Variants in CD44 observed in about 807,000 individuals in gnomAD.
CD44 encodes CD44 molecule (IN blood group), also known as CD44 antigen.
CD44 carries 49 observed loss-of-function variants against 88.8 expected under a neutral mutation model. The observed-to-expected ratio is 0.55, with a 90% CI of 0.44 to 0.70. The LOEUF is 0.70. CD44 is among the 30% of genes least tolerant of loss of function. The pLI, the probability that CD44 is intolerant of heterozygous loss-of-function variation, is 0.00. For synonymous variants in CD44, 325 were observed against 312.3 expected (o/e 1.04, Z -0.43); for missense variants, 883 against 913.8 (o/e 0.97, Z 0.43).
chr11:35,179,093 G>C (rs546290796), intron 2 of CD44, among the ~76,000 whole-genome samples: 69 of 152,320 alleles, frequency 4.5e-4, no homozygotes, highest in Non-Finnish European at 8.2e-4. Flanking sequence ...TGTCTGTTCA[G>C]ATGAGAAATT....
At chr11:35,159,337 T>G (rs562045493) in intron 1 of CD44, among the ~76,000 whole-genome samples, 312 of 152,356 alleles carry the variant, frequency 2.0e-3, no homozygotes, top group African/African-American at 7.2e-3. Flanking sequence ...GAGTAAGGCT[T>G]TTGCACCTTT....
At chr11:35,164,282 G>A (rs2133394236) in intron 1 of CD44, among the ~76,000 whole-genome samples, 2 of 152,248 alleles carry the variant, frequency 1.3e-5, no homozygotes, top group South Asian at 4.1e-4. Context: ...CCTGGCTCTT[G>A]CCACATTCAT....
At chr11:35,147,697 G>A (rs927254899) in intron 1 of CD44, among the ~76,000 whole-genome samples, 3 of 151,684 alleles carry the variant, frequency 2.0e-5, no homozygotes, top group Non-Finnish European at 2.9e-5. Flanking sequence ...CACACCAATC[G>A]TGGAACTAGG....
Position 35,230,221 on chromosome 11 carries a change from T to TG in CD44, c.*889dup, listed in dbSNP as rs985744622. ...AGCACTGTTTTTGTTTTTTGTTTTT[T>TG]GTTTTTTTTTTTTGACACTGTCCAA... On this transcript the variant is annotated 3_prime_UTR_variant, in exon 18 of 18. Transcript: ENST00000428726. 3.2e-5 allele frequency: 4 copies of TG among 123,458 alleles called. No individual in the cohort carries two copies. Among genetic ancestry groups the TG allele is most frequent in the Admixed American group, 1.8e-4 (2 of 11,378 alleles). The allele number at this position is 123,458 out of a possible 1,614,324, so 7.6% of individuals were successfully genotyped here. A position where few individuals can be genotyped will look rare whatever the true frequency, so the allele number is the denominator to read the frequency against.
intron 1 of CD44, among the ~76,000 whole-genome samples, chr11:35,142,817 C>G (rs1220688094): frequency 6.6e-6 from 1 of 152,212 alleles, no homozygotes; most frequent in Non-Finnish European, 1.5e-5. Context: ...TAGTTCATGA[C>G]AGATTCCCTT....
At chr11:35,222,045 C>A (rs1369726666) in intron 17 of CD44, among the ~76,000 whole-genome samples, 3 of 152,188 alleles carry the variant, frequency 2.0e-5, no homozygotes, top group Non-Finnish European at 4.4e-5. Context: ...TGTGATTTTA[C>A]ATGTTTTTTA....
At position 35,230,871 on chromosome 11, in the gene CD44, T is replaced by C. The variant is rs1302227705; in HGVS notation, c.*1538T>C. The C allele has an allele frequency of 6.6e-6, 1 of 152,212 alleles. No individual in the cohort carries two copies. 9.4% of individuals were successfully genotyped at this position (152,212 alleles called of 1,614,324 possible). A position where few individuals can be genotyped will look rare whatever the true frequency, so the allele number is the denominator to read the frequency against. ...TTAAATGGTATCTCCTTTCTGAGGC[T>C]CCTACTAAAAGTCATTTGTTACCTA... On this transcript the variant is annotated 3_prime_UTR_variant, in exon 18 of 18. Transcript: ENST00000428726.
chr11:35,228,270 C>T (rs561456271), intron 17 of CD44, among the ~76,000 whole-genome samples: 129 of 152,276 alleles, frequency 8.5e-4, no homozygotes, highest in Middle Eastern at 3.4e-3. Flanking sequence ...CTTAAATTAA[C>T]GAGAATAATT....
intron 15 of CD44, 115 bp from the exon 16 acceptor site, chr11:35,219,201 A>C: frequency 1.3e-6 from 1 of 756,896 alleles, no homozygotes; most frequent in South Asian, 1.5e-5. Context: ...GCTTGAATCC[A>C]TAAATGGCTT....
Position 35,196,847 on chromosome 11 carries a change from C to A in CD44, c.769C>A (p.His257Asn). The A allele has an allele frequency of 6.2e-7, 1 of 1,613,624 alleles. No homozygotes were observed. Among genetic ancestry groups the A allele is most frequent in the South Asian group, 1.1e-5 (1 of 91,032 alleles). ...GTTTCTACCATCAGAGTCAAAGAAT[C>A]ATCTTCACACAACAACACAAATGGC... ...WLFLPSESKN[H>N]LHTTTQMAGT... The change falls in exon 6 of 18, where the codon CAT becomes AAT. Residue 257 changes from histidine to asparagine, a missense_variant. Physicochemically the swap from His to Asn is moderately conservative, Grantham distance 68. This residue lies in a region of CD44 where 631 missense variants were observed against 590.9 expected (regional missense o/e 1.07). Coordinates refer to ENST00000428726, the MANE Select transcript of CD44 (RefSeq NM_000610.4).
intron 4 of CD44, 54 bp downstream of exon 4, chr11:35,186,954 AG>A: frequency 9.7e-7 from 1 of 1,031,870 alleles, no homozygotes; most frequent in Non-Finnish European, 1.5e-6. Context: ...GAAAGGGCTC[AG>A]GTGTGTTCTC....
intron 10 of CD44, among the ~76,000 whole-genome samples, chr11:35,205,089 A>G (rs553574430): frequency 1.3e-5 from 2 of 152,346 alleles, no homozygotes; most frequent in East Asian, 1.9e-4. Context: ...TTATGTGAAA[A>G]GTGACACCTG....
chr11:35,152,031 A>G (rs1179986830), intron 1 of CD44, among the ~76,000 whole-genome samples: 5 of 152,250 alleles, frequency 3.3e-5, no homozygotes, highest in Non-Finnish European at 7.3e-5. Flanking sequence ...GACAGGAGGA[A>G]TAACTAGCTA....
chr11:35,139,738 A>T (rs75624136), intron 1 of CD44: 1 of 512,366 alleles, frequency 2.0e-6, no homozygotes, highest in Admixed American at 2.3e-5. Context: ...GCCAAGCCCC[A>T]CCGGGCTGTG....
chr11:35,212,739 C>T (rs1296303552), intron 14 of CD44: 2 of 152,180 alleles, frequency 1.3e-5, no homozygotes, highest in Non-Finnish European at 2.9e-5. Flanking sequence ...TTAAAAATTC[C>T]AAGTACCATT....
At chr11:35,207,144 C>T (rs1444157936) in intron 11 of CD44, among the ~76,000 whole-genome samples, 1 of 152,206 alleles carries the variant, frequency 6.6e-6, no homozygotes, top group Non-Finnish European at 1.5e-5. Flanking sequence ...AGCACTTGCT[C>T]TTGTTTGAAA....
chr11:35,142,080 C>T (rs936892630), intron 1 of CD44, among the ~76,000 whole-genome samples: 2 of 152,004 alleles, frequency 1.3e-5, no homozygotes, highest in Non-Finnish European at 2.9e-5. Flanking sequence ...ATCTTGAATT[C>T]GGGGTCTTGT....
rs1195712364 is a variant in CD44, at chr11:35,211,134, T to A, written c.1607-112T>A. ...CAAACTTCACTCTATTTCTCCCTATTTATGGATAACAAGTGGAAAGCTTTT... is the reference window on the plus strand; with the variant it reads ...CAAACTTCACTCTATTTCTCCCTATATATGGATAACAAGTGGAAAGCTTTT... On this transcript the variant is annotated intron_variant, in intron 13 of 17. Coordinates refer to ENST00000428726, the MANE Select transcript of CD44 (RefSeq NM_000610.4). The A allele has an allele frequency of 7.7e-6, 6 of 777,948 alleles. No individual in the cohort carries two copies. The African/African-American group carries it at 1.0e-4, about 13-fold the overall frequency. 48.2% of individuals were successfully genotyped at this position (777,948 alleles called of 1,614,324 possible). A position where few individuals can be genotyped will look rare whatever the true frequency, so the allele number is the denominator to read the frequency against.
rs568765583 is a variant in CD44 at position 35,150,345 on chromosome 11, C to T, written c.67+10975C>T. ...TATATAATCTTTCCCCAAATCAAGG[C>T]ACTGAGCAAGGCAGGCCTGAGAGAT... On this transcript the variant is annotated intron_variant, in intron 1 of 17. Transcript: ENST00000428726. 2.0e-5 allele frequency among the ~76,000 whole-genome samples: 3 copies of T among 152,264 alleles called. No individual in the cohort carries two copies. In the East Asian group the frequency reaches 5.8e-4, roughly 29 times the overall value.
Sources: allele counts gnomAD v4.1 joint callset (sites outside exome capture counted in the v4.1 genomes callset), GRCh38; gene constraint gnomAD v4.1.1; regional missense constraint gnomAD v4.1.1; transcripts MANE v1.5; gene names NCBI Gene and HGNC (gene_info 2026-07-23, HGNC 2026-07-21).